Variants in MYO16 observed in about 807,000 individuals in gnomAD.
MYO16 encodes unconventional myosin-XVI.
MYO16 carries 94 observed loss-of-function variants against 205.3 expected under a neutral mutation model. That is an observed-to-expected ratio of 0.46 (90% CI 0.39 to 0.54). The LOEUF is 0.54. MYO16 is among the 20% of genes least tolerant of loss of function. The probability of loss-of-function intolerance (pLI) is 0.00; values close to 1 mark genes in which losing one functional copy is unlikely to be tolerated. For missense variants in MYO16, 2,315 were observed against 2,387.5 expected, an observed-to-expected ratio of 0.97 and a Z score of 0.63; for synonymous variants, 988 against 954.0, an observed-to-expected ratio of 1.04 and a Z score of -0.66.
chr13:109,048,266 A>G (rs1473926044), intron 24 of MYO16: 2 of 673,996 alleles, frequency 3.0e-6, no homozygotes, highest in African/African-American at 3.7e-5. Flanking sequence ...TTTTAAAATC[A>G]TTCTTTTATG....
At chr13:108,873,970 G>T (rs1294383588) in intron 12 of MYO16, among the ~76,000 whole-genome samples, 2 of 152,244 alleles carry the variant, frequency 1.3e-5, no homozygotes, top group African/African-American at 4.8e-5. Context: ...AAACAAAAAT[G>T]CATCATCAAG....
chr13:108,598,265 G>A (rs930813797), intron 1 of MYO16, among the ~76,000 whole-genome samples: 7 of 152,238 alleles, frequency 4.6e-5, no homozygotes, highest in Middle Eastern at 3.4e-3. Flanking sequence ...TCTAGTGGTA[G>A]TAATTTGTGT....
At chr13:108,534,037 G>A in the MYO16 span, among the ~76,000 whole-genome samples, 1 of 152,088 alleles carries the variant, frequency 6.6e-6, no homozygotes, top group Non-Finnish European at 1.5e-5. Context: ...TACAACTCAA[G>A]CTAATTACTA....
intron 27 of MYO16, among the ~76,000 whole-genome samples, chr13:109,089,744 T>C (rs1594076055): frequency 6.6e-6 from 1 of 152,342 alleles, no homozygotes; most frequent in East Asian, 1.9e-4. Context: ...GGAGTTGTTG[T>C]GAGAAGTCAG....
At chr13:108,595,363 A>T (rs1208564101), upstream of MYO16, among the ~76,000 whole-genome samples, 1 of 152,090 alleles carries the variant, frequency 6.6e-6, no homozygotes, top group Non-Finnish European at 1.5e-5. Context: ...TCCCCACCCC[A>T]CATGGCTGGA....
At chr13:108,805,490 A>C (rs557509787) in intron 6 of MYO16, among the ~76,000 whole-genome samples, 1 of 152,176 alleles carries the variant, frequency 6.6e-6, no homozygotes, top group Admixed American at 6.5e-5. Context: ...ACAATGGAAC[A>C]GAGCTACAAA....
rs865990741 is a variant in MYO16 at position 109,023,711 on chromosome 13, A to G, written c.2796+3800A>G. Among the ~76,000 whole-genome samples the G allele has an allele frequency of 4.9e-3, 647 of 131,850 alleles. 14 individuals carry two copies. The highest frequency in any genetic ancestry group is 0.017 in the African/African-American group (602 of 35,946). 86.5% of individuals were successfully genotyped at this position (131,850 alleles called of 152,430 possible). ...CATATATATGTATATATGTATATATACAAATATATGTATATATGCATATAT... is the reference window on the plus strand; with the variant it reads ...CATATATATGTATATATGTATATATGCAAATATATGTATATATGCATATAT... On this transcript the variant is annotated intron_variant, in intron 23 of 34. Transcript: ENST00000457511.
At chr13:108,947,229 T>G (rs73616438) in intron 16 of MYO16, among the ~76,000 whole-genome samples, 2,279 of 152,336 alleles carry the variant, frequency 0.015, 55 homozygotes, top group African/African-American at 0.051. Flanking sequence ...TCCTTCCTGT[T>G]GGTGCTGTGG....
At chr13:109,195,799 T>G (rs1334334523) in intron 34 of MYO16, among the ~76,000 whole-genome samples, 4 of 151,976 alleles carry the variant, frequency 2.6e-5, no homozygotes, top group Non-Finnish European at 5.9e-5. Flanking sequence ...AGGGAAAGAC[T>G]TAAGTTAAAA....
chr13:109,163,693 A>C (rs560047159), intron 32 of MYO16, among the ~76,000 whole-genome samples: 17 of 152,270 alleles, frequency 1.1e-4, no homozygotes, highest in African/African-American at 4.1e-4. Flanking sequence ...TTTGTCTTTT[A>C]ATGAAAAATA....
intron 31 of MYO16, among the ~76,000 whole-genome samples, chr13:109,137,101 G>A (rs1481746949): frequency 1.3e-5 from 2 of 152,206 alleles, no homozygotes; most frequent in African/African-American, 2.4e-5. Context: ...GCTGAGGGCT[G>A]GAGCAGATAG....
chr13:108,946,622 G>A lies in MYO16; in HGVS notation c.1926-11066G>A, dbSNP rs911083523. Among the ~76,000 whole-genome samples the A allele has an allele frequency of 3.3e-5, 5 of 152,246 alleles. No individual in the cohort carries two copies. In the South Asian group the frequency reaches 6.2e-4, roughly 19 times the overall value. On this transcript the variant is annotated intron_variant, in intron 16 of 34. Transcript: ENST00000457511. ...ACATTTAATTTTTTGTTAAATAGGA[G>A]TTATTAAATATTTAAATGTATGAAT...
chr13:108,832,122 T>C (rs1253400941), intron 9 of MYO16, among the ~76,000 whole-genome samples: 1 of 149,578 alleles, frequency 6.7e-6, no homozygotes, highest in East Asian at 2.0e-4. Context: ...GACTTTCCAG[T>C]GTATTTCAAT....
chr13:108,706,156 T>C (rs1883501013), intron 2 of MYO16, among the ~76,000 whole-genome samples: 1 of 152,178 alleles, frequency 6.6e-6, no homozygotes, highest in Non-Finnish European at 1.5e-5. Flanking sequence ...TGATAAAACC[T>C]TCTACCAGGT....
At chr13:109,082,026 T>C (rs1186150154) in intron 27 of MYO16, among the ~76,000 whole-genome samples, 2 of 152,208 alleles carry the variant, frequency 1.3e-5, no homozygotes, top group African/African-American at 4.8e-5. Context: ...CAATACAGAC[T>C]GTAGGCCCAC....
At chr13:108,690,471 A>C (rs1165386963) in intron 2 of MYO16, among the ~76,000 whole-genome samples, 2 of 151,544 alleles carry the variant, frequency 1.3e-5, no homozygotes, top group African/African-American at 4.9e-5. Flanking sequence ...ATTTTCTGTC[A>C]TGCTATGGCC....
chr13:108,500,418 T>G, the MYO16 span, among the ~76,000 whole-genome samples: 3 of 151,346 alleles, frequency 2.0e-5, no homozygotes, highest in African/African-American at 7.3e-5. Flanking sequence ...TTAGTAGAGA[T>G]GGGGTTTCAC....
intron 27 of MYO16, among the ~76,000 whole-genome samples, chr13:109,098,405 C>G (rs1341003657): frequency 6.6e-6 from 1 of 152,140 alleles, no homozygotes; most frequent in Non-Finnish European, 1.5e-5. Flanking sequence ...CTTGCAGAAG[C>G]ATTTTCCCTG....
At chr13:108,791,514 C>T (rs1056289473) in intron 5 of MYO16, among the ~76,000 whole-genome samples, 16 of 152,190 alleles carry the variant, frequency 1.1e-4, no homozygotes, top group African/African-American at 3.9e-4. Flanking sequence ...CAAATACTAT[C>T]AACACCATTT....
Sources: gnomAD v4.1 joint callset for allele counts (sites outside exome capture counted in the v4.1 genomes callset) on GRCh38, gnomAD v4.1.1 for gene constraint, MANE v1.5 for transcripts, NCBI Gene and HGNC (gene_info 2026-07-23, HGNC 2026-07-21) for gene names.